Variants in ZNF43 observed in about 807,000 individuals in gnomAD.
ZNF43 encodes the protein zinc finger protein 43.
In ZNF43, 44 loss-of-function variants were observed where a neutral mutation model predicts 68.4. The observed-to-expected ratio is 0.64, with a 90% CI of 0.51 to 0.83. The LOEUF (loss-of-function observed/expected upper bound fraction) is 0.83. Ranked by LOEUF, ZNF43 falls within the 40% of genes least tolerant of loss-of-function variation. The pLI is 0.00. For missense variants in ZNF43, 896 were observed against 933.2 expected (o/e 0.96, Z 0.52); for synonymous variants, 308 against 307.8 (o/e 1.00, Z -0.01).
chr19:21,845,893 CAAA>C (rs34109698), intron 1 of ZNF43, among the ~76,000 whole-genome samples: 1 of 125,964 alleles, frequency 7.9e-6, no homozygotes, highest in Non-Finnish European at 1.7e-5. Flanking sequence ...AACTCTGTCT[CAAA>C]AAAAAAAAAA....
chr19:21,817,007 G>A (rs1047765706), intron 3 of ZNF43, among the ~76,000 whole-genome samples: 6 of 152,246 alleles, frequency 3.9e-5, no homozygotes, highest in South Asian at 2.1e-4. Flanking sequence ...TTGGAAGGCC[G>A]AGGCAGACAG....
At chr19:21,824,874 C>A (rs2038038820) in intron 1 of ZNF43, among the ~76,000 whole-genome samples, 1 of 152,046 alleles carries the variant, frequency 6.6e-6, no homozygotes, top group African/African-American at 2.4e-5. Flanking sequence ...TAAACTTTAG[C>A]AGCAGTTACA....
intron 3 of ZNF43, among the ~76,000 whole-genome samples, chr19:21,816,943 A>G (rs2037558526): frequency 6.6e-6 from 1 of 152,006 alleles, no homozygotes; most frequent in African/African-American, 2.4e-5. Context: ...CCAAGCAACG[A>G]CCCCTCTTCA....
At chr19:21,821,138 A>ATTTTT (rs74174043) in intron 1 of ZNF43, among the ~76,000 whole-genome samples, 1 of 118,560 alleles carries the variant, frequency 8.4e-6, no homozygotes, top group Admixed American at 9.3e-5. Flanking sequence ...CCCGGCTGTA[A>ATTTTT]TTTTTTTTTT....
intron 1 of ZNF43, among the ~76,000 whole-genome samples, chr19:21,846,945 A>T (rs1294234237): frequency 2.0e-5 from 3 of 152,190 alleles, no homozygotes; most frequent in African/African-American, 7.2e-5. Context: ...AATATTTCAT[A>T]ATGTCTGCTG....
intron 1 of ZNF43, among the ~76,000 whole-genome samples, chr19:21,848,652 C>G (rs1346881020): frequency 6.6e-6 from 1 of 152,116 alleles, no homozygotes; most frequent in Non-Finnish European, 1.5e-5. Context: ...GGGCTGGGAC[C>G]AGACAGGAAA....
At position 21,805,916 on chromosome 19, in the gene ZNF43, T is replaced by A. The variant is rs1325306496; in HGVS notation, c.*1691A>T. 6.6e-6 allele frequency: 1 copy of A among 152,062 alleles called. No individual in the cohort carries two copies. The highest frequency in any genetic ancestry group is 2.4e-5 in the African/African-American group (1 of 41,330). The allele number at this position is 152,062 out of a possible 1,614,324, so 9.4% of individuals were successfully genotyped here. On this transcript the variant is annotated 3_prime_UTR_variant, in exon 4 of 4. Coordinates refer to ENST00000354959, the MANE Select transcript of ZNF43 (RefSeq NM_003423.4). ...AAGTTAGAAGCATAATAATGCTTCATTGAATGTACAATGGTCTTAACACAT... is the reference window on the plus strand; with the variant it reads ...AAGTTAGAAGCATAATAATGCTTCAATGAATGTACAATGGTCTTAACACAT...
At chr19:21,848,756 G>A (rs947678436) in intron 1 of ZNF43, among the ~76,000 whole-genome samples, 2 of 152,180 alleles carry the variant, frequency 1.3e-5, no homozygotes, top group African/African-American at 4.8e-5. Context: ...TTCTAGGTAT[G>A]AGAGTCACCA....
intron 1 of ZNF43, among the ~76,000 whole-genome samples, chr19:21,824,163 G>C (rs2037993853): frequency 6.6e-6 from 1 of 152,134 alleles, no homozygotes. Flanking sequence ...TCCAGCCCAG[G>C]GCGACAGTGA....
intron 3 of ZNF43, among the ~76,000 whole-genome samples, chr19:21,811,443 G>A (rs1158465111): frequency 6.6e-6 from 1 of 151,192 alleles, no homozygotes; most frequent in Non-Finnish European, 1.5e-5. Context: ...GCTGAGGCAG[G>A]AGAATTGCTA....
At chr19:21,844,422 T>C (rs1209115776) in intron 1 of ZNF43, among the ~76,000 whole-genome samples, 2 of 151,260 alleles carry the variant, frequency 1.3e-5, no homozygotes, top group Non-Finnish European at 2.9e-5. Flanking sequence ...GATGACACTC[T>C]GTGCCACCTG....
At chr19:21,826,726 C>T (rs1053740145) in intron 1 of ZNF43, among the ~76,000 whole-genome samples, 5 of 151,882 alleles carry the variant, frequency 3.3e-5, no homozygotes, top group Non-Finnish European at 4.4e-5. Context: ...CTCCAAGCTA[C>T]TAAGGAGGCT....
chr19:21,836,200 C>G, upstream of ZNF43: 3 of 1,507,472 alleles, frequency 2.0e-6, no homozygotes, highest in Non-Finnish European at 2.7e-6. Flanking sequence ...CCGCCACATC[C>G]CGGAAGCCGC....
At chr19:21,851,950 C>G in exon 1 of ZNF43, 3 of 1,562,560 alleles carry the variant, frequency 1.9e-6, no homozygotes, top group Non-Finnish European at 2.6e-6. Flanking sequence ...CTGTGCGTCT[C>G]CCAGGACTTG....
chr19:21,844,921 A>AAAAAATATATATAT (rs1310761266), intron 1 of ZNF43, among the ~76,000 whole-genome samples: 1 of 26,048 alleles, frequency 3.8e-5, no homozygotes, highest in African/African-American at 2.2e-4. Flanking sequence ...AAAAAAAAAA[A>AAAAAATATATATAT]ATATATATAT....
At position 21,806,695 on chromosome 19, in the gene ZNF43, GTAATTA is replaced by G. The variant is rs898871522; in HGVS notation, c.*906_*911del. The stretch of plus-strand genomic sequence containing the variant: ...TTCAAGATAAAAGTATACTTTAATT[GTAATTA>G]TAACTGAAAATCTTCTACTTCTTTT... On this transcript the variant is annotated 3_prime_UTR_variant, in exon 4 of 4. Transcript: ENST00000354959. The G allele has an allele frequency of 9.2e-5, 14 of 152,150 alleles. No individual in the cohort carries two copies. The highest frequency in any genetic ancestry group is 2.9e-4 in the African/African-American group (12 of 41,516). 9.4% of individuals were successfully genotyped at this position (152,150 alleles called of 1,614,324 possible). A position where few individuals can be genotyped will look rare whatever the true frequency, so the allele number is the denominator to read the frequency against.
Position 21,814,364 on chromosome 19 carries a change from C to T in ZNF43, c.229+3524G>A, listed in dbSNP as rs531620736. Reference sequence around the variant, plus strand: ...TTGGGGTCATATATTTATAAACACACACACACATATATAATATGATTGTGA... The same window carrying T: ...TTGGGGTCATATATTTATAAACACATACACACATATATAATATGATTGTGA... On this transcript the variant is annotated intron_variant, in intron 3 of 3. Transcript: ENST00000354959. Among the ~76,000 whole-genome samples, 9 of 151,160 alleles carry T rather than the reference C, an allele frequency of 6.0e-5. No individual in the cohort carries two copies. The South Asian group carries it at 6.3e-4, about 11-fold the overall frequency.
chr19:21,828,797 G>A (rs1437261536), intron 1 of ZNF43, among the ~76,000 whole-genome samples: 1 of 150,576 alleles, frequency 6.6e-6, no homozygotes, highest in Non-Finnish European at 1.5e-5. Context: ...ACTTTGGGAG[G>A]CCGCAGCGAG....
At chr19:21,835,610 C>T (rs1293545165) in intron 1 of ZNF43, among the ~76,000 whole-genome samples, 1 of 152,044 alleles carries the variant, frequency 6.6e-6, no homozygotes, top group Non-Finnish European at 1.5e-5. Flanking sequence ...CCACCTCGAC[C>T]TCCCAAAGTG....
Sources: gnomAD v4.1 joint callset for allele counts (sites outside exome capture counted in the v4.1 genomes callset) on GRCh38, gnomAD v4.1.1 for gene constraint, MANE v1.5 for transcripts, NCBI Gene and HGNC (gene_info 2026-07-23, HGNC 2026-07-21) for gene names.